LUZP2: variants seen among roughly 807,000 people sequenced by gnomAD.
LUZP2 encodes the protein leucine zipper protein 2.
LUZP2 carries 52 observed loss-of-function variants against 51.6 expected under a neutral mutation model. The observed-to-expected ratio is 1.01, with a 90% CI of 0.81 to 1.27. The LOEUF (loss-of-function observed/expected upper bound fraction) is 1.27, where lower values mean the gene tolerates loss of function less well. Ranked by LOEUF, LUZP2 falls within the 50% of genes most tolerant of loss-of-function variation. The pLI, the probability that LUZP2 is intolerant of heterozygous loss-of-function variation, is 0.00. For missense variants in LUZP2, 436 were observed against 395.4 expected, an observed-to-expected ratio of 1.10 and a Z score of -0.87; for synonymous variants, 154 against 137.3, an observed-to-expected ratio of 1.12 and a Z score of -0.85.
intron 7 of LUZP2, among the ~76,000 whole-genome samples, chr11:24,926,329 A>ATATATATATACGTGTG (rs1184426893): frequency 6.5e-4 from 15 of 23,124 alleles, no homozygotes; most frequent in Non-Finnish European, 8.8e-4. Flanking sequence ...ACGTGTGTGT[A>ATATATATATACGTGTG]TATATATATA....
At chr11:24,901,073 G>A (rs76545847) in intron 5 of LUZP2, among the ~76,000 whole-genome samples, 6,354 of 151,974 alleles carry the variant, frequency 0.042, 437 homozygotes, top group African/African-American at 0.14. Context: ...AAACAAAACA[G>A]AACAAAAACA....
At chr11:24,688,249 C>T (rs1404904769) in intron 1 of LUZP2, among the ~76,000 whole-genome samples, 2 of 152,134 alleles carry the variant, frequency 1.3e-5, no homozygotes, top group Non-Finnish European at 2.9e-5. Flanking sequence ...ATTTAGTCCT[C>T]ACAAGAACCC....
intron 7 of LUZP2, among the ~76,000 whole-genome samples, chr11:24,940,760 T>C (rs1854724242): frequency 6.6e-6 from 1 of 152,180 alleles, no homozygotes; most frequent in Non-Finnish European, 1.5e-5. Flanking sequence ...AATAGAACCT[T>C]GAATTCAATC....
intron 9 of LUZP2, among the ~76,000 whole-genome samples, chr11:25,044,257 G>GTGTGTATA (rs1485990610): frequency 4.9e-5 from 3 of 60,760 alleles, no homozygotes; most frequent in African/African-American, 1.6e-4. Flanking sequence ...GTGTGTGTGT[G>GTGTGTATA]TATATATATA....
intron 10 of LUZP2, among the ~76,000 whole-genome samples, chr11:25,063,714 T>TAAAA (rs10673795): frequency 6.6e-6 from 1 of 151,398 alleles, no homozygotes; most frequent in Admixed American, 6.6e-5. Context: ...CATTAATCAT[T>TAAAA]AACCACCATT....
chr11:24,633,049 G>A (rs998303494), intron 1 of LUZP2, among the ~76,000 whole-genome samples: 14 of 152,048 alleles, frequency 9.2e-5, no homozygotes, highest in Non-Finnish European at 4.4e-5. Flanking sequence ...AGCAACAGGA[G>A]TAAAAGATTA....
chr11:24,722,643 C>G (rs187861968), intron 1 of LUZP2, among the ~76,000 whole-genome samples: 2 of 152,068 alleles, frequency 1.3e-5, no homozygotes, highest in South Asian at 4.1e-4. Context: ...CAGGGCCAGG[C>G]ACAGTGGTTC....
intron 7 of LUZP2, among the ~76,000 whole-genome samples, chr11:24,947,247 A>C (rs1315100805): frequency 6.6e-6 from 1 of 151,982 alleles, no homozygotes; most frequent in Non-Finnish European, 1.5e-5. Context: ...ATTTACCCTT[A>C]TTCACTAAGT....
intron 1 of LUZP2, among the ~76,000 whole-genome samples, chr11:24,616,473 GCA>G (rs138019970): frequency 0.43 from 56,741 of 131,486 alleles, 11,345 homozygotes; most frequent in African/African-American, 0.58. Context: ...TTTGGCGTGC[GCA>G]TGTGTGTGTG....
intron 1 of LUZP2, among the ~76,000 whole-genome samples, chr11:24,653,285 C>T (rs767763316): frequency 6.6e-6 from 1 of 151,902 alleles, no homozygotes; most frequent in Non-Finnish European, 1.5e-5. Context: ...TATTTTTTAC[C>T]GAATTGAATG....
At chr11:24,685,338 A>G (rs1856866198) in intron 1 of LUZP2, among the ~76,000 whole-genome samples, 1 of 152,078 alleles carries the variant, frequency 6.6e-6, no homozygotes, top group Admixed American at 6.6e-5. Context: ...TGCAACTAAA[A>G]ACCAACGTTA....
chr11:24,688,785 G>A (rs1014390463), intron 1 of LUZP2, among the ~76,000 whole-genome samples: 30 of 151,960 alleles, frequency 2.0e-4, no homozygotes, highest in Admixed American at 2.0e-3. Flanking sequence ...TATATTACTG[G>A]GAGTTCATCT....
chr11:24,770,266 C>T (rs1322968417), intron 5 of LUZP2, among the ~76,000 whole-genome samples: 1 of 152,070 alleles, frequency 6.6e-6, no homozygotes, highest in African/African-American at 2.4e-5. Flanking sequence ...ATATATAAGT[C>T]TAGGAATTAT....
intron 10 of LUZP2, among the ~76,000 whole-genome samples, chr11:25,059,734 G>C (rs960221120): frequency 1.3e-5 from 2 of 152,122 alleles, no homozygotes; most frequent in African/African-American, 2.4e-5. Flanking sequence ...AACACAAAAG[G>C]AGGAGAGGAA....
In LUZP2 at chr11:24,509,355, A is replaced by G. The variant is rs192182230; in HGVS notation, c.62+12050A>G. ...TATAGTACAGTCATAACTGTTCTAG[A>G]ATTAACTCATTCATAGACTGATACA... On this transcript the variant is annotated intron_variant, in intron 1 of 11. Transcript: ENST00000336930. Among the ~76,000 whole-genome samples the G allele has an allele frequency of 4.6e-5, 7 of 152,096 alleles. No homozygotes were observed. The East Asian group carries it at 1.4e-3, about 29-fold the overall frequency.
intron 5 of LUZP2, among the ~76,000 whole-genome samples, chr11:24,829,038 G>T (rs1477650871): frequency 6.6e-6 from 1 of 152,136 alleles, no homozygotes; most frequent in Admixed American, 6.6e-5. Context: ...ATGAAACCCT[G>T]TTAGTTTCCT....
intron 5 of LUZP2, among the ~76,000 whole-genome samples, chr11:24,874,338 CA>C (rs1193602616): frequency 6.6e-6 from 1 of 152,128 alleles, no homozygotes; most frequent in Non-Finnish European, 1.5e-5. Flanking sequence ...AAAGAACACT[CA>C]GGGGGCTGTA....
chr11:24,605,048 CA>C (rs1017206165), intron 1 of LUZP2, among the ~76,000 whole-genome samples: 2 of 151,612 alleles, frequency 1.3e-5, no homozygotes, highest in East Asian at 3.9e-4. Flanking sequence ...ATAATAATAA[CA>C]ATTATTAATC....
intron 5 of LUZP2, among the ~76,000 whole-genome samples, chr11:24,775,043 C>T (rs1312573764): frequency 1.3e-5 from 2 of 151,414 alleles, no homozygotes; most frequent in Admixed American, 1.3e-4. Context: ...ATAATAATTT[C>T]TAAAATTGCT....
Sources: allele counts gnomAD v4.1 joint callset (sites outside exome capture counted in the v4.1 genomes callset), GRCh38; gene constraint gnomAD v4.1.1; transcripts MANE v1.5; gene names NCBI Gene and HGNC (gene_info 2026-07-23, HGNC 2026-07-21).